The following ATP11A variants were observed in gnomAD, a reference collection of about 807,000 sequenced individuals.
ATP11A encodes the protein phospholipid-transporting ATPase IH.
In ATP11A, 81 loss-of-function variants were observed where a neutral mutation model predicts 154.4. That is an observed-to-expected ratio of 0.52 (90% CI 0.44 to 0.63). The LOEUF (loss-of-function observed/expected upper bound fraction) is 0.63, where lower values mean the gene tolerates loss of function less well. ATP11A is among the 30% of genes least tolerant of loss of function. ATP11A has a pLI of 0.00. For missense variants in ATP11A, 1,316 were observed against 1,474.3 expected, an observed-to-expected ratio of 0.89 and a Z score of 1.76; for synonymous variants, 623 against 585.9, an observed-to-expected ratio of 1.06 and a Z score of -0.91.
intron 1 of ATP11A, among the ~76,000 whole-genome samples, chr13:112,707,748 C>T (rs970631762): frequency 6.6e-5 from 10 of 152,178 alleles, no homozygotes; most frequent in Admixed American, 1.3e-4. Context: ...CAGATTGTAA[C>T]GTGCGCCGAA....
At chr13:112,732,446 CTCTCTCTCCAGCTCTG>C (rs949510781) in intron 1 of ATP11A, among the ~76,000 whole-genome samples, 3 of 152,108 alleles carry the variant, frequency 2.0e-5, no homozygotes, top group Non-Finnish European at 4.4e-5. Context: ...CTCTCCATCT[CTCTCTCTCCAGCTCTG>C]TCTCTCTCCA....
Position 112,770,924 on chromosome 13 carries a change from C to T in ATP11A, c.40-14211C>T, listed in dbSNP as rs573641007. ...GTGGCTGTGTCACTGGATACCTGTA[C>T]ATTTGAATACCGGCCATTAGGGAGA... On this transcript the variant is annotated intron_variant, in intron 1 of 29. Coordinates refer to ENST00000375645, the MANE Select transcript of ATP11A (RefSeq NM_015205.3). Among the ~76,000 whole-genome samples the T allele has an allele frequency of 3.3e-5, 5 of 152,342 alleles. No homozygotes were observed. In the East Asian group the frequency reaches 7.7e-4, roughly 24 times the overall value.
intron 1 of ATP11A, among the ~76,000 whole-genome samples, chr13:112,742,037 CAG>C (rs1891615479): frequency 6.6e-6 from 1 of 151,494 alleles, no homozygotes; most frequent in Non-Finnish European, 1.5e-5. Flanking sequence ...CCTTCCCCCA[CAG>C]GGGAGTGCTC....
At chr13:112,880,660 G>A (rs1225901857) in intron 29 of ATP11A, 24 of 1,287,800 alleles carry the variant, frequency 1.9e-5, no homozygotes, top group Non-Finnish European at 2.4e-5. Flanking sequence ...GTAACTGTGC[G>A]GCTGCTGGAC....
intron 1 of ATP11A, among the ~76,000 whole-genome samples, chr13:112,714,186 T>G (rs1300900059): frequency 8.6e-6 from 1 of 116,834 alleles, no homozygotes; most frequent in Non-Finnish European, 1.8e-5. Context: ...CTACTGGAAT[T>G]CCACTCCTCC....
chr13:112,795,167 C>T (rs997458798), intron 2 of ATP11A, among the ~76,000 whole-genome samples: 3 of 152,052 alleles, frequency 2.0e-5, no homozygotes, highest in Non-Finnish European at 2.9e-5. Flanking sequence ...ATCGCTTGAA[C>T]CTGGGAGGCA....
Position 112,825,432 on chromosome 13 carries a change from C to G in ATP11A, c.875C>G (p.Ser292Trp). Reference protein sequence around the residue: ...KSQKRSAVEKSMNAFLIVYLC... With the variant: ...KSQKRSAVEKWMNAFLIVYLC... ...TCACCTCTGTCCTTTTGTTTTAGAT[C>G]GATGAATGCGTTCCTCATTGTGTAT... The change falls in exon 11 of 30, where the codon TCG (serine) becomes TGG (tryptophan). Residue 292 changes from serine (S) to tryptophan (W), a missense_variant and splice_region_variant. Transcript: ENST00000375645. The G allele has an allele frequency of 6.2e-7, 1 of 1,607,782 alleles. No individual in the cohort carries two copies. The highest frequency in any genetic ancestry group is 1.1e-5 in the South Asian group (1 of 89,894).
At chr13:112,790,350 G>A (rs866654439) in intron 2 of ATP11A, among the ~76,000 whole-genome samples, 28 of 150,486 alleles carry the variant, frequency 1.9e-4, no homozygotes, top group African/African-American at 6.5e-4. Context: ...AATTCACACC[G>A]GGTGTCCTGC....
chr13:112,817,038 A>C (rs886253075), intron 6 of ATP11A, among the ~76,000 whole-genome samples: 2 of 152,116 alleles, frequency 1.3e-5, no homozygotes, highest in South Asian at 4.1e-4. Flanking sequence ...AATTTCCTGC[A>C]CTCAGTATAA....
At chr13:112,742,260 C>T (rs984475727) in intron 1 of ATP11A, among the ~76,000 whole-genome samples, 15 of 152,160 alleles carry the variant, frequency 9.9e-5, no homozygotes, top group African/African-American at 3.4e-4. Flanking sequence ...GGAAATGCAG[C>T]ATGGGAACCC....
chr13:112,876,494 T>C (rs2080729074), intron 28 of ATP11A, among the ~76,000 whole-genome samples: 1 of 152,128 alleles, frequency 6.6e-6, no homozygotes, highest in Non-Finnish European at 1.5e-5. Context: ...GGCCTCTGCC[T>C]TCAAGCTCAA....
In ATP11A at chr13:112,753,270, C is replaced by T. The variant is rs1430174242; in HGVS notation, c.40-31865C>T. ...GCCCCACATCATGGACAGCTGGGCTCCAATCTTCTGCTTTTATAAATAGTG... is the reference window on the plus strand; with the variant it reads ...GCCCCACATCATGGACAGCTGGGCTTCAATCTTCTGCTTTTATAAATAGTG... On this transcript the variant is annotated intron_variant, in intron 1 of 29. Coordinates refer to ENST00000375645, the MANE Select transcript of ATP11A (RefSeq NM_015205.3). This position sits in a 1 kb window ranked among gnomAD's most constrained non-coding sequence, Gnocchi z 4.1. Among the ~76,000 whole-genome samples the T allele has an allele frequency of 6.6e-6, 1 of 152,216 alleles. No individual in the cohort carries two copies. The highest frequency in any genetic ancestry group is 2.4e-5 in the African/African-American group (1 of 41,446).
In ATP11A at chr13:112,851,199, G is replaced by A. The variant is rs373158825; in HGVS notation, c.1972G>A (p.Ala658Thr). The A allele has an allele frequency of 1.2e-6, 2 of 1,613,772 alleles. No individual in the cohort carries two copies. The highest frequency in any genetic ancestry group is 1.7e-6 in the Non-Finnish European group (2 of 1,179,818). Reference sequence around the variant, plus strand: ...AGAGAAAGATCTTACTCTGCTTGGTGCTACAGCTGTTGAGGACCGGTAAAG... The same window carrying A: ...AGAGAAAGATCTTACTCTGCTTGGTACTACAGCTGTTGAGGACCGGTAAAG... ...QIEKDLTLLGATAVEDRLQEK... is the reference protein window; with the variant it reads ...QIEKDLTLLGTTAVEDRLQEK... Residue 658 changes from alanine to threonine, a missense_variant, in exon 18 of 30, where the codon GCT (alanine) becomes ACT (threonine). Transcript: ENST00000375645.
chr13:112,774,047 C>T (rs1053104665), intron 1 of ATP11A, among the ~76,000 whole-genome samples: 5 of 152,242 alleles, frequency 3.3e-5, no homozygotes, highest in Admixed American at 6.5e-5. Context: ...GTCCACCTCA[C>T]GGGGAACTAG....
In ATP11A at chr13:112,851,252, C is replaced by G. The variant is rs746816839; in HGVS notation, c.1991+34C>G. The G allele has an allele frequency of 1.4e-5, 23 of 1,592,552 alleles. No homozygotes were observed. The Admixed American group carries it at 3.6e-4, about 25-fold the overall frequency. ...AACGCATGCATCCCGTCCTGAGAGA[C>G]AAACTGGGATGCAGGCCGACGGCCC... On this transcript the variant is annotated intron_variant, in intron 18 of 29. Coordinates refer to ENST00000375645, the MANE Select transcript of ATP11A (RefSeq NM_015205.3).
At chr13:112,849,027 T>A (rs1343285844) in intron 17 of ATP11A, among the ~76,000 whole-genome samples, 1 of 152,110 alleles carries the variant, frequency 6.6e-6, no homozygotes, top group East Asian at 1.9e-4. Flanking sequence ...GTTGAGGAGG[T>A]TTCTTCTCTC....
In ATP11A at chr13:112,836,193, A is replaced by G; in HGVS notation, c.1647A>G (p.Glu549=). ...TCTCTTTCAGGTTTGAATTGCTGGAAATTTTGAGTTTTGACTCAGTCAGAA... is the reference window on the plus strand; with the variant it reads ...TCTCTTTCAGGTTTGAATTGCTGGAGATTTTGAGTTTTGACTCAGTCAGAA... ...ENHIERFELL[E]ILSFDSVRRR... The change falls in exon 16 of 30, where the codon GAA becomes GAG. Residue 549 remains glutamate, a synonymous_variant. Transcript: ENST00000375645. 1 of 1,612,768 alleles carries G rather than the reference A, an allele frequency of 6.2e-7. No individual in the cohort carries two copies.
At chr13:112,877,886 C>T (rs1166557230) in intron 28 of ATP11A, among the ~76,000 whole-genome samples, 3 of 152,188 alleles carry the variant, frequency 2.0e-5, no homozygotes, top group Admixed American at 6.5e-5. Flanking sequence ...GGACCCTCCC[C>T]GTCCCACCCT....
At chr13:112,701,606 G>GC (rs1438272530) in intron 1 of ATP11A, among the ~76,000 whole-genome samples, 1 of 152,172 alleles carries the variant, frequency 6.6e-6, no homozygotes, top group Non-Finnish European at 1.5e-5. Flanking sequence ...GCCGAGGCGG[G>GC]CGGATCACGA....
Sources: allele counts gnomAD v4.1 joint callset (sites outside exome capture counted in the v4.1 genomes callset), GRCh38; gene constraint gnomAD v4.1.1; non-coding constraint Gnocchi (gnomAD v3.1); transcripts MANE v1.5; gene names NCBI Gene and HGNC (gene_info 2026-07-23, HGNC 2026-07-21).